Variants in ACTR3C observed in about 807,000 individuals in gnomAD.
ACTR3C encodes the protein actin-related protein 3C.
ACTR3C carries 18 observed loss-of-function variants against 26.3 expected under a neutral mutation model. The observed-to-expected ratio is 0.68, with a 90% CI of 0.47 to 1.01. The LOEUF (loss-of-function observed/expected upper bound fraction) is 1.01, where lower values mean the gene tolerates loss of function less well. Among genes scored for constraint, ACTR3C ranks in the 50% least tolerant of loss-of-function variants. The pLI, the probability that ACTR3C is intolerant of heterozygous loss-of-function variation, is 0.00. For synonymous variants in ACTR3C, 55 were observed against 94.5 expected (o/e 0.58, Z 2.42); for missense variants, 184 against 250.7 (o/e 0.73, Z 1.80).
At chr7:150,313,797 TGACA>T (rs1401548426) in intron 1 of ACTR3C, among the ~76,000 whole-genome samples, 3 of 152,148 alleles carry the variant, frequency 2.0e-5, no homozygotes, top group African/African-American at 7.2e-5. Context: ...CTGGGTACTT[TGACA>T]GACACTGGAA....
rs1584971294 is a variant in ACTR3C at position 150,302,576 on chromosome 7, G to A, written c.-51-7229C>T. On this transcript the variant is annotated intron_variant, in intron 1 of 7. Coordinates refer to ENST00000683684, the MANE Select transcript of ACTR3C (RefSeq NM_001164458.2). ...GGAAATGAGGAGTATAATATTGGGT[G>A]TAAAATCATTTTAAAAATGGGTAAA... is the stretch of plus-strand genomic sequence containing the variant. Among the ~76,000 whole-genome samples, 6 of 151,958 alleles carry A rather than the reference G, an allele frequency of 3.9e-5. No homozygotes were observed. In the East Asian group the frequency reaches 9.7e-4, roughly 24 times the overall value.
At chr7:150,202,370 T>C in the ACTR3C span, among the ~76,000 whole-genome samples, 1 of 152,262 alleles carries the variant, frequency 6.6e-6, no homozygotes, top group African/African-American at 2.4e-5. Context: ...GATTGTAGCT[T>C]TTTTTACTGT....
intron 7 of ACTR3C, chr7:150,247,852 G>T (rs1052537734): frequency 6.6e-6 from 1 of 151,704 alleles, no homozygotes; most frequent in African/African-American, 2.4e-5. Flanking sequence ...TTTTGTTCTT[G>T]CTTTTGCCAT....
chr7:149,888,005 T>TC, the ACTR3C span, among the ~76,000 whole-genome samples: 7,944 of 152,114 alleles, frequency 0.052, 287 homozygotes, highest in African/African-American at 0.097. Flanking sequence ...TCTTTTTTTT[T>TC]CCCCCCAGTT....
chr7:150,240,550 C>T (rs944596959), downstream of ACTR3C, among the ~76,000 whole-genome samples: 2 of 152,110 alleles, frequency 1.3e-5, no homozygotes, highest in African/African-American at 4.8e-5. Flanking sequence ...CCTACACATT[C>T]TGCACATGTA....
rs114115399 is a variant in ACTR3C at position 150,317,394 on chromosome 7, C to T, written c.-52+6075G>A. ...AACTGGTGGTTGTTTGCATAGATGG[C>T]GGCTTTTGATTCCCATTTATTAATA... On this transcript the variant is annotated intron_variant, in intron 1 of 7. Coordinates refer to ENST00000683684, the MANE Select transcript of ACTR3C (RefSeq NM_001164458.2). Among the ~76,000 whole-genome samples, 823 of 152,188 alleles carry T rather than the reference C, an allele frequency of 5.4e-3. 8 individuals are homozygous for T. The highest frequency in any genetic ancestry group is 0.019 in the African/African-American group (782 of 41,534).
At chr7:150,147,213 G>A in the ACTR3C span, among the ~76,000 whole-genome samples, 2 of 152,100 alleles carry the variant, frequency 1.3e-5, no homozygotes, top group African/African-American at 4.8e-5. Context: ...ACTAAGTAAC[G>A]TGATTATAGC....
chr7:149,897,061 C>CAAAAAA, the ACTR3C span, among the ~76,000 whole-genome samples: 6 of 51,082 alleles, frequency 1.2e-4, no homozygotes, highest in South Asian at 6.3e-4. Context: ...ACACCGTCTC[C>CAAAAAA]AAAAAAAAAA....
chr7:150,139,982 A>G, the ACTR3C span, among the ~76,000 whole-genome samples: 4 of 152,070 alleles, frequency 2.6e-5, no homozygotes, highest in South Asian at 8.3e-4. Context: ...GCACACACAC[A>G]CACATACGCA....
At chr7:150,308,031 G>A (rs1447565610) in intron 1 of ACTR3C, among the ~76,000 whole-genome samples, 1 of 152,182 alleles carries the variant, frequency 6.6e-6, no homozygotes, top group Non-Finnish European at 1.5e-5. Flanking sequence ...CACAGACTCG[G>A]GAAGACAGTC....
chr7:150,003,447 T>C, the ACTR3C span, among the ~76,000 whole-genome samples: 1 of 152,252 alleles, frequency 6.6e-6, no homozygotes, highest in African/African-American at 2.4e-5. Context: ...TGTGGTACTG[T>C]GGGGTGTGTA....
the ACTR3C span, among the ~76,000 whole-genome samples, chr7:149,927,417 T>A: frequency 9.3e-6 from 1 of 107,032 alleles, no homozygotes; most frequent in Non-Finnish European, 1.9e-5. Flanking sequence ...TCACAATATG[T>A]GGAATGACTA....
At chr7:149,958,454 CAG>C in the ACTR3C span, among the ~76,000 whole-genome samples, 8 of 152,358 alleles carry the variant, frequency 5.3e-5, 1 homozygote, top group South Asian at 2.1e-4. Context: ...AAGTCTATTA[CAG>C]AGTTACCTGC....
At chr7:149,996,415 A>C in the ACTR3C span, among the ~76,000 whole-genome samples, 1 of 150,346 alleles carries the variant, frequency 6.7e-6, no homozygotes, top group Non-Finnish European at 1.5e-5. Context: ...CAAAATTGCT[A>C]TTCAGGAGCT....
At chr7:150,038,019 T>G in the ACTR3C span, among the ~76,000 whole-genome samples, 1,961 of 130,520 alleles carry the variant, frequency 0.015, 254 homozygotes, top group African/African-American at 0.043. Context: ...CCCCCCCTGC[T>G]ATGGTGGTCC....
At chr7:150,006,490 A>C in the ACTR3C span, among the ~76,000 whole-genome samples, 1 of 149,324 alleles carries the variant, frequency 6.7e-6, no homozygotes, top group Non-Finnish European at 1.5e-5. Flanking sequence ...AGCCACCGCA[A>C]ACGGCCCAGA....
At chr7:149,929,799 G>A in the ACTR3C span, among the ~76,000 whole-genome samples, 1 of 152,104 alleles carries the variant, frequency 6.6e-6, no homozygotes. Flanking sequence ...CCAAAGTGCT[G>A]GGATTACAGG....
At chr7:149,917,958 C>T in the ACTR3C span, among the ~76,000 whole-genome samples, 7 of 152,036 alleles carry the variant, frequency 4.6e-5, no homozygotes, top group East Asian at 1.9e-4. Context: ...TGTTCCCAGA[C>T]GCTAACAATA....
At chr7:150,214,753 A>G in the ACTR3C span, among the ~76,000 whole-genome samples, 1 of 151,898 alleles carries the variant, frequency 6.6e-6, no homozygotes, top group East Asian at 1.9e-4. Flanking sequence ...GGCACATAGT[A>G]TTGAAATATT....
Sources: allele counts gnomAD v4.1 joint callset (sites outside exome capture counted in the v4.1 genomes callset), GRCh38; gene constraint gnomAD v4.1.1; transcripts MANE v1.5; gene names NCBI Gene and HGNC (gene_info 2026-07-23, HGNC 2026-07-21).